Variants in TENM4 observed in about 807,000 individuals in gnomAD.
TENM4 encodes teneurin transmembrane protein 4, also known as teneurin-4.
A neutral mutation model predicts 243.3 loss-of-function variants in TENM4; 82 were observed. That is an observed-to-expected ratio of 0.34 (90% CI 0.28 to 0.40). TENM4 has a LOEUF of 0.40. Among genes scored for constraint, TENM4 ranks in the 10% least tolerant of loss-of-function variants. TENM4 has a pLI of 1.00. For missense variants in TENM4, 3,138 were observed against 3,673.3 expected, an observed-to-expected ratio of 0.85 and a Z score of 3.77; for synonymous variants, 1,412 against 1,456.3, an observed-to-expected ratio of 0.97 and a Z score of 0.69.
At chr11:79,312,430 AAT>A (rs1176041533) in intron 1 of TENM4, among the ~76,000 whole-genome samples, 3 of 152,234 alleles carry the variant, frequency 2.0e-5, no homozygotes, top group Non-Finnish European at 4.4e-5. Flanking sequence ...TAGCTTACTT[AAT>A]ACCATACATA....
chr11:78,916,186 G>A lies in TENM4; in HGVS notation c.494-12663C>T, dbSNP rs116478052. Among the ~76,000 whole-genome samples the A allele has an allele frequency of 3.0e-3, 450 of 152,298 alleles. 1 individual carries two copies. Among genetic ancestry groups the A allele is most frequent in the African/African-American group, 9.8e-3 (409 of 41,566 alleles). ...TTACTAGCTTTGTGGCTTTGAGTGC[G>A]TTTTTAACCTCTGAAAGCCTTGATT... is the stretch of plus-strand genomic sequence containing the variant. On this transcript the variant is annotated intron_variant, in intron 6 of 33. Transcript: ENST00000278550.
Position 79,139,703 on chromosome 11 carries a change from A to ATAAGTATATAAAATATATATAT in TENM4, c.-66+9006_-66+9007insATATATATATTTTATATACTTA, listed in dbSNP as rs1565220656. ...TATAAGTATATAAAATATATATAAT[A>ATAAGTATATAAAATATATATAT]TTTATATAAGTATATAAAATATATA... On this transcript the variant is annotated intron_variant, in intron 4 of 33. Coordinates refer to ENST00000278550, the MANE Select transcript of TENM4 (RefSeq NM_001098816.3). Among the ~76,000 whole-genome samples, 8 of 82,960 alleles carry ATAAGTATATAAAATATATATAT rather than the reference A, an allele frequency of 9.6e-5. 1 individual carries two copies. The highest frequency in any genetic ancestry group is 4.1e-4 in the African/African-American group (7 of 17,268). The allele number at this position is 82,960 out of a possible 152,430, so 54.4% of individuals were successfully genotyped here.
intron 6 of TENM4, among the ~76,000 whole-genome samples, chr11:78,975,641 TC>T (rs1565151163): frequency 6.6e-6 from 1 of 151,646 alleles, no homozygotes; most frequent in Admixed American, 6.6e-5. Context: ...TATGTTTTCC[TC>T]CCTCCATTCA....
intron 6 of TENM4, among the ~76,000 whole-genome samples, chr11:79,000,146 C>T (rs1025177775): frequency 4.6e-5 from 7 of 152,116 alleles, no homozygotes; most frequent in Admixed American, 1.3e-4. Context: ...TTATATCCAG[C>T]AAAACTATCC....
intron 2 of TENM4, among the ~76,000 whole-genome samples, chr11:79,249,604 C>T (rs1217000003): frequency 2.0e-5 from 3 of 152,266 alleles, no homozygotes; most frequent in Non-Finnish European, 2.9e-5. Context: ...CCAAAGGTAT[C>T]GCAATATTCA....
chr11:79,284,883 G>C (rs28749770), intron 2 of TENM4, among the ~76,000 whole-genome samples: 2 of 152,088 alleles, frequency 1.3e-5, no homozygotes, highest in African/African-American at 4.8e-5. Flanking sequence ...AATAGGCAAA[G>C]GACTTGAATA....
At chr11:79,328,375 G>A (rs961169541) in intron 1 of TENM4, among the ~76,000 whole-genome samples, 25 of 152,184 alleles carry the variant, frequency 1.6e-4, no homozygotes, top group Admixed American at 1.1e-3. Flanking sequence ...GGAAGAGAGT[G>A]CTTTGTCTTT....
intron 6 of TENM4, among the ~76,000 whole-genome samples, chr11:79,061,402 C>T (rs1230304630): frequency 2.0e-5 from 3 of 152,116 alleles, no homozygotes; most frequent in Non-Finnish European, 2.9e-5. Flanking sequence ...TCTGCCCACC[C>T]GTCTACCCTG....
At chr11:78,692,872 A>G (rs1858860582) in intron 28 of TENM4, among the ~76,000 whole-genome samples, 1 of 152,174 alleles carries the variant, frequency 6.6e-6, no homozygotes, top group Admixed American at 6.5e-5. Flanking sequence ...TTCAGATCAA[A>G]TGTTATCACT....
At chr11:79,007,506 C>A (rs1486167471) in intron 6 of TENM4, among the ~76,000 whole-genome samples, 3 of 152,106 alleles carry the variant, frequency 2.0e-5, no homozygotes, top group African/African-American at 7.2e-5. Context: ...CACTGGGGCA[C>A]TGCAAGCGGT....
intron 6 of TENM4, among the ~76,000 whole-genome samples, chr11:78,968,982 AG>A (rs1345176422): frequency 6.6e-6 from 1 of 152,220 alleles, no homozygotes; most frequent in Non-Finnish European, 1.5e-5. Context: ...ACCTTTGATA[AG>A]TCACTTTACT....
intron 6 of TENM4, among the ~76,000 whole-genome samples, chr11:79,007,742 G>A (rs941435474): frequency 6.6e-6 from 1 of 152,130 alleles, no homozygotes; most frequent in Non-Finnish European, 1.5e-5. Context: ...CTTCTTGAAG[G>A]ATAGCCATCT....
At position 79,412,850 on chromosome 11, in the gene TENM4, A is replaced by C. The variant is rs1178471218; in HGVS notation, c.-321+27659T>G. Among the ~76,000 whole-genome samples, 3 of 152,280 alleles carry C rather than the reference A, an allele frequency of 2.0e-5. No homozygotes were observed. In the East Asian group the frequency reaches 5.8e-4, roughly 29 times the overall value. On this transcript the variant is annotated intron_variant, in intron 1 of 33. Transcript: ENST00000278550. ...TTACAACTCTGGATCACTGCAGCCTATTCCATGAGCATCTTCTTTGCACCA... is the reference window on the plus strand; with the variant it reads ...TTACAACTCTGGATCACTGCAGCCTCTTCCATGAGCATCTTCTTTGCACCA...
In TENM4 at chr11:79,391,140, T is replaced by G. The variant is rs573502290; in HGVS notation, c.-321+49369A>C. Among the ~76,000 whole-genome samples, 29 of 152,314 alleles carry G rather than the reference T, an allele frequency of 1.9e-4. No individual in the cohort carries two copies. The South Asian group carries it at 5.6e-3, about 29-fold the overall frequency. On this transcript the variant is annotated intron_variant, in intron 1 of 33. Coordinates refer to ENST00000278550, the MANE Select transcript of TENM4 (RefSeq NM_001098816.3). ...ATTTCTAAAAATAGTTGCCACCTGA[T>G]AGTGTAGTCATGAAAATTCAGTGAG...
chr11:78,830,707 G>A (rs182579445), intron 12 of TENM4, among the ~76,000 whole-genome samples: 384 of 152,232 alleles, frequency 2.5e-3, no homozygotes, highest in Middle Eastern at 6.8e-3. Flanking sequence ...GTGTAACCTC[G>A]CTTTCCTCTC....
Position 79,438,166 on chromosome 11 carries a change from G to A in TENM4, c.-321+2343C>T, listed in dbSNP as rs1194387580. 6.6e-6 allele frequency among the ~76,000 whole-genome samples: 1 copy of A among 152,134 alleles called. No individual in the cohort carries two copies. The highest frequency in any genetic ancestry group is 6.5e-5 in the Admixed American group (1 of 15,276). On this transcript the variant is annotated intron_variant, in intron 1 of 33. Coordinates refer to ENST00000278550, the MANE Select transcript of TENM4 (RefSeq NM_001098816.3). The surrounding 1 kb of genome is among the most constrained non-coding windows in gnomAD (Gnocchi z 4.1). ...CCATCTCCTGACTGCGGGCTGGGGG[G>A]AAGGGAGTTCAGGGCCAATGTGTCC...
At chr11:79,186,760 C>T (rs570348611) in intron 3 of TENM4, among the ~76,000 whole-genome samples, 1 of 152,174 alleles carries the variant, frequency 6.6e-6, no homozygotes, top group Non-Finnish European at 1.5e-5. Flanking sequence ...CAAATAAATA[C>T]CGTGTGTTAT....
At chr11:78,993,945 T>C (rs1795894244) in intron 6 of TENM4, among the ~76,000 whole-genome samples, 1 of 152,218 alleles carries the variant, frequency 6.6e-6, no homozygotes, top group African/African-American at 2.4e-5. Flanking sequence ...GATATTAAGA[T>C]GTTTGGGGTC....
chr11:78,722,645 G>A, intron 24 of TENM4, 23 bp downstream of exon 24: 1 of 1,603,718 alleles, frequency 6.2e-7, no homozygotes, highest in Non-Finnish European at 8.5e-7. Flanking sequence ...TAGGAACTAT[G>A]AAGAAAGCAT....
Sources: allele counts gnomAD v4.1 joint callset (sites outside exome capture counted in the v4.1 genomes callset), GRCh38; gene constraint gnomAD v4.1.1; non-coding constraint Gnocchi (gnomAD v3.1); transcripts MANE v1.5; gene names NCBI Gene and HGNC (gene_info 2026-07-23, HGNC 2026-07-21).